MACROD2: variants seen among roughly 807,000 people sequenced by gnomAD.
MACROD2 encodes ADP-ribose glycohydrolase MACROD2.
MACROD2 carries 36 observed loss-of-function variants against 70.4 expected under a neutral mutation model. The observed-to-expected ratio is 0.51, with a 90% CI of 0.39 to 0.68. MACROD2 has a LOEUF of 0.68. Ranked by LOEUF, MACROD2 falls within the 30% of genes least tolerant of loss-of-function variation. The probability of loss-of-function intolerance (pLI) is 0.00; values close to 1 mark genes in which losing one functional copy is unlikely to be tolerated. For missense variants in MACROD2, 496 were observed against 538.4 expected, an observed-to-expected ratio of 0.92 and a Z score of 0.78; for synonymous variants, 172 against 178.8, an observed-to-expected ratio of 0.96 and a Z score of 0.30.
intron 5 of MACROD2, among the ~76,000 whole-genome samples, chr20:14,865,092 G>T (rs1394374847): frequency 1.3e-5 from 2 of 152,042 alleles, no homozygotes; most frequent in African/African-American, 4.8e-5. Flanking sequence ...CTGTATCACA[G>T]GGGAACATAC....
intron 3 of MACROD2, among the ~76,000 whole-genome samples, chr20:14,129,275 G>A (rs1175644438): frequency 1.3e-5 from 2 of 152,168 alleles, no homozygotes; most frequent in East Asian, 1.9e-4. Context: ...GGATGACTTC[G>A]AGGTCCATCC....
Position 15,684,406 on chromosome 20 carries a change from G to T in MACROD2, c.646-178339G>T, listed in dbSNP as rs147925886. Reference sequence around the variant, plus strand: ...CCCAGAGGCTCTTTCAAATTGTGAGGGAGATATCTTTTGATTAGAGGCAAA... The same window carrying T: ...CCCAGAGGCTCTTTCAAATTGTGAGTGAGATATCTTTTGATTAGAGGCAAA... On this transcript the variant is annotated intron_variant, in intron 8 of 17. Transcript: ENST00000684519. 4.0e-3 allele frequency among the ~76,000 whole-genome samples: 615 copies of T among 152,290 alleles called. 3 individuals are homozygous for T. Among genetic ancestry groups the T allele is most frequent in the African/African-American group, 0.013 (560 of 41,562 alleles).
At chr20:14,727,479 G>A (rs567718248) in intron 5 of MACROD2, among the ~76,000 whole-genome samples, 62 of 152,086 alleles carry the variant, frequency 4.1e-4, no homozygotes, top group African/African-American at 1.4e-3. Flanking sequence ...AAGCTGCAGT[G>A]AGCCATGATT....
At chr20:15,424,396 A>T (rs919817884) in intron 6 of MACROD2, among the ~76,000 whole-genome samples, 5 of 152,172 alleles carry the variant, frequency 3.3e-5, no homozygotes, top group African/African-American at 1.2e-4. Context: ...TGATGGCACA[A>T]CCCACTATGC....
At chr20:14,529,711 G>T (rs1486987238) in intron 4 of MACROD2, among the ~76,000 whole-genome samples, 1 of 149,456 alleles carries the variant, frequency 6.7e-6, no homozygotes, top group East Asian at 1.9e-4. Context: ...ATGTTTGAAT[G>T]AAATTGGGAT....
At chr20:15,295,821 T>G (rs1360838038) in intron 6 of MACROD2, among the ~76,000 whole-genome samples, 1 of 152,190 alleles carries the variant, frequency 6.6e-6, no homozygotes, top group East Asian at 1.9e-4. Flanking sequence ...CCTGCCTTTC[T>G]TCATGGTCCA....
chr20:15,579,014 A>T (rs1000347694), intron 8 of MACROD2, among the ~76,000 whole-genome samples: 5 of 152,222 alleles, frequency 3.3e-5, no homozygotes, highest in Non-Finnish European at 7.3e-5. Flanking sequence ...AATAATATTG[A>T]TTCAAGTCAA....
At chr20:15,213,444 G>A (rs898707325) in intron 5 of MACROD2, among the ~76,000 whole-genome samples, 1 of 151,832 alleles carries the variant, frequency 6.6e-6, no homozygotes, top group Non-Finnish European at 1.5e-5. Context: ...TCCTATGTTG[G>A]TTAAGGAGGC....
chr20:14,389,354 G>A (rs973555235), intron 3 of MACROD2, among the ~76,000 whole-genome samples: 6 of 150,146 alleles, frequency 4.0e-5, no homozygotes, highest in African/African-American at 9.8e-5. Flanking sequence ...CCCGGCAGGC[G>A]GAGGTTGCAG....
chr20:15,318,833 A>T (rs7270703), intron 6 of MACROD2, among the ~76,000 whole-genome samples: 27,637 of 152,126 alleles, frequency 0.18, 2,748 homozygotes, highest in Non-Finnish European at 0.23. Flanking sequence ...AAGGACATTT[A>T]TGAAAACCTG....
intron 5 of MACROD2, among the ~76,000 whole-genome samples, chr20:14,959,320 G>A (rs761792179): frequency 2.0e-5 from 3 of 152,082 alleles, no homozygotes; most frequent in African/African-American, 4.8e-5. Flanking sequence ...TAGTAGAGAC[G>A]GGTTTCGCCA....
chr20:13,996,870 A>G (rs2052666710), intron 1 of MACROD2, among the ~76,000 whole-genome samples: 1 of 152,190 alleles, frequency 6.6e-6, no homozygotes, highest in African/African-American at 2.4e-5. Context: ...TTCTCCTGGT[A>G]CCTCATCTTT....
chr20:15,526,718 T>C (rs988034502), intron 8 of MACROD2, among the ~76,000 whole-genome samples: 6 of 152,208 alleles, frequency 3.9e-5, no homozygotes, highest in African/African-American at 1.4e-4. Context: ...TAAAACCATA[T>C]TGGGCGTGTG....
chr20:14,446,074 C>G lies in MACROD2; in HGVS notation c.272-47405C>G, dbSNP rs142672869. 1.1e-4 allele frequency among the ~76,000 whole-genome samples: 16 copies of G among 152,186 alleles called. No individual in the cohort carries two copies. The East Asian group carries it at 2.5e-3, about 24-fold the overall frequency. On this transcript the variant is annotated intron_variant, in intron 3 of 17. Coordinates refer to ENST00000684519, the MANE Select transcript of MACROD2 (RefSeq NM_001351661.2). The stretch of plus-strand genomic sequence containing the variant: ...TGGCAAGTTTGGGGCATGTGATTCA[C>G]ATGTATACCTAGGAAGAAGCAGAAA...
intron 5 of MACROD2, among the ~76,000 whole-genome samples, chr20:14,699,599 T>C (rs1428480318): frequency 6.6e-6 from 1 of 152,132 alleles, no homozygotes; most frequent in East Asian, 1.9e-4. Flanking sequence ...TTTACAGAAA[T>C]AGAATCTTAT....
chr20:15,486,148 C>T (rs1169220376), intron 7 of MACROD2, among the ~76,000 whole-genome samples: 1 of 151,974 alleles, frequency 6.6e-6, no homozygotes, highest in East Asian at 1.9e-4. Flanking sequence ...ATCAGTTCCT[C>T]TTCCTCAGGA....
At chr20:14,388,740 TTC>T (rs1248060058) in intron 3 of MACROD2, among the ~76,000 whole-genome samples, 1 of 152,186 alleles carries the variant, frequency 6.6e-6, no homozygotes, top group Non-Finnish European at 1.5e-5. Flanking sequence ...ATGTTGTGAC[TTC>T]TCTGCTTCTT....
chr20:15,336,944 C>T (rs1157160756), intron 6 of MACROD2, among the ~76,000 whole-genome samples: 1 of 151,640 alleles, frequency 6.6e-6, no homozygotes, highest in Non-Finnish European at 1.5e-5. Context: ...CAACTATTTC[C>T]TTGAGTATGA....
intron 3 of MACROD2, among the ~76,000 whole-genome samples, chr20:14,200,042 A>G (rs189471142): frequency 8.5e-5 from 13 of 152,316 alleles, no homozygotes; most frequent in African/African-American, 3.1e-4. Flanking sequence ...CATTCTTGCA[A>G]GGCAGAAATT....
Sources: allele counts gnomAD v4.1 joint callset (sites outside exome capture counted in the v4.1 genomes callset), GRCh38; gene constraint gnomAD v4.1.1; transcripts MANE v1.5; gene names NCBI Gene and HGNC (gene_info 2026-07-23, HGNC 2026-07-21).